KAT6B: variants seen among roughly 807,000 people sequenced by gnomAD.
The protein encoded by KAT6B is histone acetyltransferase KAT6B.
In KAT6B, 10 loss-of-function variants were observed where a neutral mutation model predicts 187.5. The ratio of observed to expected loss-of-function variants is 0.05; its 90% CI spans 0.03 to 0.09. KAT6B has a LOEUF of 0.09. Ranked by LOEUF, KAT6B falls within the 10% of genes least tolerant of loss-of-function variation. The pLI is 1.00. For synonymous variants in KAT6B, 861 were observed against 926.8 expected (o/e 0.93, Z 1.29); for missense variants, 1,952 against 2,558.9 (o/e 0.76, Z 5.12).
chr10:74,850,680 A>G (rs1314337841), intron 3 of KAT6B, among the ~76,000 whole-genome samples: 2 of 152,250 alleles, frequency 1.3e-5, no homozygotes, highest in African/African-American at 2.4e-5. Flanking sequence ...GTTTCTCATT[A>G]AAAGTAGTAA....
At chr10:74,995,100 C>T (rs1843344250) in intron 13 of KAT6B, among the ~76,000 whole-genome samples, 1 of 152,122 alleles carries the variant, frequency 6.6e-6, no homozygotes, top group African/African-American at 2.4e-5. Context: ...CTTCCATTAC[C>T]CACAATATAC....
intron 13 of KAT6B, among the ~76,000 whole-genome samples, chr10:75,010,775 G>C (rs898695127): frequency 3.3e-5 from 5 of 152,206 alleles, no homozygotes; most frequent in African/African-American, 1.2e-4. Flanking sequence ...ATATTAGAAT[G>C]AAGTGTCTCA....
chr10:74,932,689 C>T (rs922753952), intron 3 of KAT6B, among the ~76,000 whole-genome samples: 3 of 152,128 alleles, frequency 2.0e-5, no homozygotes, highest in Admixed American at 6.5e-5. Flanking sequence ...AGAAAAATAT[C>T]GACTTACGCT....
At chr10:74,978,125 G>A (rs930070621) in intron 9 of KAT6B, among the ~76,000 whole-genome samples, 2 of 152,184 alleles carry the variant, frequency 1.3e-5, no homozygotes, top group Admixed American at 1.3e-4. Context: ...CTGTTTTGTG[G>A]GGAAGGGGTT....
At chr10:74,994,601 G>A (rs1033454546) in intron 13 of KAT6B, among the ~76,000 whole-genome samples, 6 of 151,780 alleles carry the variant, frequency 4.0e-5, no homozygotes, top group East Asian at 1.9e-4. Context: ...TGGCCAACAC[G>A]GTGAAACCCT....
Position 74,872,845 on chromosome 10 carries a change from T to C in KAT6B, c.621+29367T>C, listed in dbSNP as rs984265638. Among the ~76,000 whole-genome samples, 5 of 152,162 alleles carry C rather than the reference T, an allele frequency of 3.3e-5. No individual in the cohort carries two copies. The East Asian group carries it at 9.7e-4, about 30-fold the overall frequency. The stretch of plus-strand genomic sequence containing the variant: ...TATGTTTTAAAGTCATCGAGAGACA[T>C]GAAAACTAAATGGTCCTAGGTTGGA... On this transcript the variant is annotated intron_variant, in intron 3 of 17. Coordinates refer to ENST00000287239, the MANE Select transcript of KAT6B (RefSeq NM_012330.4).
At chr10:75,009,875 C>G (rs1041395845) in intron 13 of KAT6B, among the ~76,000 whole-genome samples, 2 of 152,174 alleles carry the variant, frequency 1.3e-5, no homozygotes, top group Non-Finnish European at 2.9e-5. Flanking sequence ...GTGGTGCATG[C>G]CTGTAATCCC....
chr10:75,022,974 T>C (rs1030395952), intron 16 of KAT6B, among the ~76,000 whole-genome samples: 2 of 152,202 alleles, frequency 1.3e-5, no homozygotes, highest in Admixed American at 1.3e-4. Context: ...GCTGTTTCTT[T>C]CTCTTGTTCT....
At chr10:74,911,538 G>A (rs754653318) in intron 3 of KAT6B, among the ~76,000 whole-genome samples, 34 of 152,196 alleles carry the variant, frequency 2.2e-4, no homozygotes, top group Non-Finnish European at 3.7e-4. Context: ...AAAGTGCTGG[G>A]ATTACAGGTG....
chr10:74,966,650 T>C (rs916998610), intron 4 of KAT6B, among the ~76,000 whole-genome samples: 7 of 152,228 alleles, frequency 4.6e-5, no homozygotes, highest in African/African-American at 1.7e-4. Context: ...CTCTCAAATC[T>C]GATAAATTGC....
chr10:74,865,066 C>T (rs1044256841), intron 3 of KAT6B, among the ~76,000 whole-genome samples: 1 of 152,180 alleles, frequency 6.6e-6, no homozygotes, highest in East Asian at 1.9e-4. Context: ...CTGAGTCTCA[C>T]TTACCTTATC....
chr10:74,880,880 T>C (rs1396429897), intron 3 of KAT6B, among the ~76,000 whole-genome samples: 1 of 151,938 alleles, frequency 6.6e-6, no homozygotes, highest in African/African-American at 2.4e-5. Flanking sequence ...CCTCCCAAAG[T>C]GTTGGGATTA....
chr10:74,958,840 C>T (rs574136395), intron 3 of KAT6B, among the ~76,000 whole-genome samples: 17 of 151,678 alleles, frequency 1.1e-4, no homozygotes, highest in Admixed American at 9.8e-4. Flanking sequence ...AAGATCGAGA[C>T]CATCCTGACC....
chr10:74,974,228 A>T (rs1842019976), intron 7 of KAT6B, among the ~76,000 whole-genome samples: 1 of 152,196 alleles, frequency 6.6e-6, no homozygotes, highest in Non-Finnish European at 1.5e-5. Flanking sequence ...CAGTAGAGCC[A>T]CCTCAGATGA....
intron 3 of KAT6B, among the ~76,000 whole-genome samples, chr10:74,933,800 A>G (rs1164830088): frequency 6.6e-6 from 1 of 152,206 alleles, no homozygotes; most frequent in Non-Finnish European, 1.5e-5. Context: ...TTCTGGTGAC[A>G]TAGGTAGACA....
intron 11 of KAT6B, 137 bp downstream of exon 11, chr10:74,982,065 T>C: frequency 1.3e-6 from 1 of 744,620 alleles, no homozygotes; most frequent in Admixed American, 2.3e-5. Flanking sequence ...CTTTAAAACA[T>C]CTCCATGTTT....
At chr10:74,881,289 G>A (rs887724254) in intron 3 of KAT6B, among the ~76,000 whole-genome samples, 2 of 152,088 alleles carry the variant, frequency 1.3e-5, no homozygotes, top group Non-Finnish European at 1.5e-5. Flanking sequence ...GGACAGCCTC[G>A]TTTTTCTAAG....
chr10:74,984,435 C>A (rs995953872), intron 11 of KAT6B: 1 of 152,458 alleles, frequency 6.6e-6, no homozygotes, highest in Admixed American at 6.5e-5. Flanking sequence ...ATCAGTATCA[C>A]AGCTTGATTC....
intron 4 of KAT6B, among the ~76,000 whole-genome samples, chr10:74,967,345 A>T (rs1841553709): frequency 6.9e-6 from 1 of 145,876 alleles, no homozygotes; most frequent in African/African-American, 2.7e-5. Flanking sequence ...AAAAAAAAAA[A>T]TTAAAGTGTT....
Sources: gnomAD v4.1 joint callset for allele counts (sites outside exome capture counted in the v4.1 genomes callset) on GRCh38, gnomAD v4.1.1 for gene constraint, MANE v1.5 for transcripts, NCBI Gene and HGNC (gene_info 2026-07-23, HGNC 2026-07-21) for gene names.